FBXO11: variants seen among roughly 807,000 people sequenced by gnomAD.
FBXO11 encodes the protein F-box only protein 11.
In FBXO11, 13 loss-of-function variants were observed where a neutral mutation model predicts 117.0. The observed-to-expected ratio is 0.11, with a 90% CI of 0.07 to 0.18. The LOEUF (loss-of-function observed/expected upper bound fraction) is 0.18, where lower values mean the gene tolerates loss of function less well. FBXO11 is among the 10% of genes least tolerant of loss of function. FBXO11 has a pLI of 1.00. For missense variants in FBXO11, 767 were observed against 1,164.4 expected (o/e 0.66, Z 4.97); for synonymous variants, 490 against 380.5 (o/e 1.29, Z -3.35).
At chr2:47,869,232 A>G (rs1022535892) in intron 1 of FBXO11, among the ~76,000 whole-genome samples, 1 of 152,200 alleles carries the variant, frequency 6.6e-6, no homozygotes, top group Non-Finnish European at 1.5e-5. Flanking sequence ...TGTCTCTGTG[A>G]GCTTATGCTC....
chr2:47,904,578 GCAAACACACACACA>G (rs1001344580), intron 1 of FBXO11, among the ~76,000 whole-genome samples: 9 of 105,500 alleles, frequency 8.5e-5, no homozygotes, highest in African/African-American at 3.2e-4. Flanking sequence ...GCGCGCGCGC[GCAAACACACACACA>G]CACACACACA....
chr2:47,835,098 A>G (rs79721522), intron 5 of FBXO11, among the ~76,000 whole-genome samples: 11,110 of 152,284 alleles, frequency 0.073, 565 homozygotes, highest in Non-Finnish European at 0.11. Flanking sequence ...TGATATTTTA[A>G]GTCAGTTAAT....
chr2:47,872,892 G>C (rs1427114859), intron 1 of FBXO11, among the ~76,000 whole-genome samples: 1 of 152,030 alleles, frequency 6.6e-6, no homozygotes, highest in Admixed American at 6.5e-5. Context: ...ATAGATTACT[G>C]TTGCTTTTAA....
intron 18 of FBXO11, among the ~76,000 whole-genome samples, chr2:47,812,084 T>G (rs17323768): frequency 0.26 from 39,762 of 152,104 alleles, 5,636 homozygotes; most frequent in Non-Finnish European, 0.32. Flanking sequence ...CTAAGATGGA[T>G]TCCAAACTCC....
intron 1 of FBXO11, among the ~76,000 whole-genome samples, chr2:47,872,604 G>A (rs190293627): frequency 2.2e-4 from 34 of 152,294 alleles, no homozygotes; most frequent in Non-Finnish European, 3.8e-4. Context: ...GATTACAGGC[G>A]TGAGCCACCG....
In FBXO11 at chr2:47,808,025, C is replaced by T; in HGVS notation, c.*93G>A. On this transcript the variant is annotated 3_prime_UTR_variant, in exon 23 of 23. Transcript: ENST00000403359. ...TATCCATTTTTAATACAGTCTCTTC[C>T]TGTAGCATGGGCAAATATTTTAAAT... 1 of 1,166,086 alleles carries T rather than the reference C, an allele frequency of 8.6e-7. No individual in the cohort carries two copies. Among genetic ancestry groups the T allele is most frequent in the Non-Finnish European group, 1.2e-6 (1 of 816,890 alleles). 72.2% of individuals were successfully genotyped at this position (1,166,086 alleles called of 1,614,324 possible).
intron 11 of FBXO11, among the ~76,000 whole-genome samples, chr2:47,827,617 C>T (rs563528996): frequency 3.3e-5 from 5 of 151,952 alleles, no homozygotes; most frequent in Non-Finnish European, 7.4e-5. Context: ...TGCTTCAAGA[C>T]GTATTTTAAT....
chr2:47,831,382 T>C (rs1572803373), intron 11 of FBXO11, among the ~76,000 whole-genome samples: 2 of 145,060 alleles, frequency 1.4e-5, no homozygotes, highest in Admixed American at 7.0e-5. Context: ...ACCATTGCCA[T>C]TGCACTCTAG....
At chr2:47,808,544 G>C (rs1670384593) in intron 21 of FBXO11, 117 bp from the exon 22 acceptor site, 1 of 779,044 alleles carries the variant, frequency 1.3e-6, no homozygotes, top group Non-Finnish European at 2.0e-6. Flanking sequence ...AAAATTCTTT[G>C]TGGCTCCAGC....
rs1043436289 is a variant in FBXO11 at position 47,906,008 on chromosome 2, G to C, written c.-288C>G. The C allele has an allele frequency of 7.1e-5, 24 of 339,380 alleles. No homozygotes were observed. The highest frequency in any genetic ancestry group is 1.2e-4 in the Non-Finnish European group (22 of 184,124). The allele number at this position is 339,380 out of a possible 1,614,324, so 21.0% of individuals were successfully genotyped here. On this transcript the variant is annotated 5_prime_UTR_variant, in exon 1 of 23. Coordinates refer to ENST00000403359, the MANE Select transcript of FBXO11 (RefSeq NM_001190274.2). ...CCGCGAGGGACGAAGGCAGAAAGAC[G>C]GGCAGACCGAGAGAAAGAAAGAAAG... is the stretch of plus-strand genomic sequence containing the variant.
chr2:47,890,811 G>GA lies in FBXO11; in HGVS notation c.232+14677dup, dbSNP rs372701492. Among the ~76,000 whole-genome samples the GA allele has an allele frequency of 5.5e-4, 81 of 146,474 alleles. No homozygotes were observed. In the East Asian group the frequency reaches 7.2e-3, roughly 13 times the overall value. On this transcript the variant is annotated intron_variant, in intron 1 of 22. Coordinates refer to ENST00000403359, the MANE Select transcript of FBXO11 (RefSeq NM_001190274.2). The stretch of plus-strand genomic sequence containing the variant: ...AGAGCGAGACCCTGTCTAAAAAAAA[G>GA]AAAAAAAAAAATATTATTATTATTG...
chr2:47,829,902 T>C (rs886926229), intron 11 of FBXO11, among the ~76,000 whole-genome samples: 3 of 152,182 alleles, frequency 2.0e-5, no homozygotes, highest in Non-Finnish European at 4.4e-5. Flanking sequence ...GTCATTACAC[T>C]ATTCTCTCTA....
chr2:47,875,777 T>G (rs952423055), intron 1 of FBXO11, among the ~76,000 whole-genome samples: 7 of 152,190 alleles, frequency 4.6e-5, no homozygotes, highest in Non-Finnish European at 8.8e-5. Context: ...AAATCAAAAA[T>G]GAAAATTATT....
chr2:47,818,181 GAC>G (rs945972609), intron 16 of FBXO11, among the ~76,000 whole-genome samples: 1 of 152,160 alleles, frequency 6.6e-6, no homozygotes, highest in African/African-American at 2.4e-5. Context: ...GAAAAAATGA[GAC>G]ACAGAGACAG....
intron 1 of FBXO11, among the ~76,000 whole-genome samples, chr2:47,889,048 CTAAG>C (rs1196649892): frequency 2.0e-5 from 3 of 147,704 alleles, no homozygotes; most frequent in Non-Finnish European, 4.6e-5. Flanking sequence ...CATTCATTCA[CTAAG>C]TGTCTATGTG....
chr2:47,853,904 A>G (rs1006800124), intron 1 of FBXO11, among the ~76,000 whole-genome samples: 4 of 152,248 alleles, frequency 2.6e-5, no homozygotes, highest in Non-Finnish European at 5.9e-5. Flanking sequence ...AATGATTTCT[A>G]TTACAAAATA....
rs1213541424 is a variant in FBXO11, at chr2:47,807,273, TCTA to T, written c.*842_*844del. The T allele has an allele frequency of 4.5e-6, 1 of 223,854 alleles. No individual in the cohort carries two copies. The highest frequency in any genetic ancestry group is 6.7e-5 in the East Asian group (1 of 14,922). The allele number at this position is 223,854 out of a possible 1,614,324, so 13.9% of individuals were successfully genotyped here. Reference sequence around the variant, plus strand: ...AGGACTGTTTGTTTTGAAGAGACTTTCTAAAGTGTACTTAAAACATAGTAGTTT... The same window carrying T: ...AGGACTGTTTGTTTTGAAGAGACTTTAAGTGTACTTAAAACATAGTAGTTT... On this transcript the variant is annotated 3_prime_UTR_variant, in exon 23 of 23. Transcript: ENST00000403359.
rs550061207 is a variant in FBXO11, at chr2:47,861,406, T to C, written c.233-21637A>G. Among the ~76,000 whole-genome samples the C allele has an allele frequency of 8.6e-5, 13 of 150,994 alleles. No individual in the cohort carries two copies. In the East Asian group the frequency reaches 2.5e-3, roughly 30 times the overall value. On this transcript the variant is annotated intron_variant, in intron 1 of 22. Coordinates refer to ENST00000403359, the MANE Select transcript of FBXO11 (RefSeq NM_001190274.2). Reference sequence around the variant, plus strand: ...CAATCATGGCTCACTGCAGCCTCGATCTCCTGGGCTCAAGTGATCCTTCCA... The same window carrying C: ...CAATCATGGCTCACTGCAGCCTCGACCTCCTGGGCTCAAGTGATCCTTCCA...
chr2:47,889,427 T>C (rs1199735537), intron 1 of FBXO11, among the ~76,000 whole-genome samples: 12 of 152,188 alleles, frequency 7.9e-5, no homozygotes, highest in Non-Finnish European at 1.5e-4. Context: ...TCTAGTGTGC[T>C]TTCTCAGGAA....
Sources: gnomAD v4.1 joint callset for allele counts (sites outside exome capture counted in the v4.1 genomes callset) on GRCh38, gnomAD v4.1.1 for gene constraint, MANE v1.5 for transcripts, NCBI Gene and HGNC (gene_info 2026-07-23, HGNC 2026-07-21) for gene names.